Variants in KIAA1217 observed in about 807,000 individuals in gnomAD.
KIAA1217 encodes the protein sickle tail protein homolog.
A neutral mutation model predicts 163.9 loss-of-function variants in KIAA1217; 88 were observed. The ratio of observed to expected loss-of-function variants is 0.54; its 90% CI spans 0.45 to 0.64. The LOEUF (loss-of-function observed/expected upper bound fraction) is 0.64. Ranked by LOEUF, KIAA1217 falls within the 30% of genes least tolerant of loss-of-function variation. The pLI is 0.00. For missense variants in KIAA1217, 2,372 were observed against 2,475.0 expected, an observed-to-expected ratio of 0.96 and a Z score of 0.88; for synonymous variants, 903 against 923.1, an observed-to-expected ratio of 0.98 and a Z score of 0.39.
chr10:24,517,201 A>T (rs1048067025), intron 10 of KIAA1217, among the ~76,000 whole-genome samples: 2 of 151,640 alleles, frequency 1.3e-5, no homozygotes, highest in Admixed American at 6.6e-5. Context: ...AAAAATATCT[A>T]TATACATATA....
chr10:24,163,447 G>T (rs114159901), intron 2 of KIAA1217, among the ~76,000 whole-genome samples: 2 of 152,068 alleles, frequency 1.3e-5, no homozygotes, highest in African/African-American at 4.8e-5. Flanking sequence ...GCCATTTCAG[G>T]CATGAAAGTT....
At chr10:23,950,984 G>C (rs749712953) in intron 1 of KIAA1217, among the ~76,000 whole-genome samples, 2 of 152,110 alleles carry the variant, frequency 1.3e-5, no homozygotes, top group African/African-American at 4.8e-5. Flanking sequence ...CACTCCACTG[G>C]TGCTGGGGTG....
At chr10:24,220,662 C>T (rs1269854574) in intron 2 of KIAA1217, among the ~76,000 whole-genome samples, 1 of 151,154 alleles carries the variant, frequency 6.6e-6, no homozygotes, top group African/African-American at 2.4e-5. Context: ...CATCGTGTTA[C>T]CCAGGATGGT....
intron 2 of KIAA1217, among the ~76,000 whole-genome samples, chr10:24,297,933 C>G (rs1481019215): frequency 6.6e-6 from 1 of 151,360 alleles, no homozygotes; most frequent in Non-Finnish European, 1.5e-5. Context: ...TACTAGATAC[C>G]TTGCAAGGCA....
At chr10:24,223,363 C>T (rs1379987993) in intron 2 of KIAA1217, among the ~76,000 whole-genome samples, 1 of 152,162 alleles carries the variant, frequency 6.6e-6, no homozygotes, top group Admixed American at 6.5e-5. Context: ...ATCATCTCAT[C>T]TTCTGTCTTT....
At chr10:23,813,267 A>G (rs1837158930) in intron 1 of KIAA1217, among the ~76,000 whole-genome samples, 1 of 152,062 alleles carries the variant, frequency 6.6e-6, no homozygotes, top group Non-Finnish European at 1.5e-5. Context: ...CCTTAAAACT[A>G]GGTTATTTGT....
At chr10:24,384,913 G>T (rs981290250) in intron 3 of KIAA1217, among the ~76,000 whole-genome samples, 5 of 152,280 alleles carry the variant, frequency 3.3e-5, no homozygotes, top group Admixed American at 1.3e-4. Flanking sequence ...TTTTGCACTG[G>T]AGGTATGCGT....
chr10:24,249,054 A>G (rs1263936463), intron 2 of KIAA1217, among the ~76,000 whole-genome samples: 1 of 152,236 alleles, frequency 6.6e-6, no homozygotes, highest in Non-Finnish European at 1.5e-5. Flanking sequence ...CCACGAGTGT[A>G]GTGGACGTGA....
chr10:24,171,663 G>C (rs1410651359), intron 2 of KIAA1217, among the ~76,000 whole-genome samples: 1 of 152,054 alleles, frequency 6.6e-6, no homozygotes, highest in Non-Finnish European at 1.5e-5. Flanking sequence ...AATTAGCCGG[G>C]TGTGGTGGTG....
intron 5 of KIAA1217, among the ~76,000 whole-genome samples, chr10:24,471,347 T>C (rs368077658): frequency 6.6e-5 from 10 of 152,200 alleles, no homozygotes; most frequent in Admixed American, 3.9e-4. Context: ...ACCTCACCAA[T>C]AGAACTTGAA....
At chr10:23,796,889 G>A (rs1233730249) in intron 1 of KIAA1217, among the ~76,000 whole-genome samples, 1 of 152,068 alleles carries the variant, frequency 6.6e-6, no homozygotes, top group Non-Finnish European at 1.5e-5. Flanking sequence ...GTCTCACTTT[G>A]CCACCCAGGC....
intron 1 of KIAA1217, among the ~76,000 whole-genome samples, chr10:23,805,216 C>T (rs563995154): frequency 5.3e-5 from 8 of 152,166 alleles, no homozygotes; most frequent in African/African-American, 1.9e-4. Flanking sequence ...CACATACATG[C>T]GTATGTTCAT....
intron 1 of KIAA1217, among the ~76,000 whole-genome samples, chr10:23,924,174 T>C (rs984898806): frequency 6.6e-6 from 1 of 152,028 alleles, no homozygotes; most frequent in Non-Finnish European, 1.5e-5. Flanking sequence ...TCTTTTTTTT[T>C]TTTTTTACTT....
In KIAA1217 at chr10:24,070,767, T is replaced by C. The variant is rs74532952; in HGVS notation, c.-171+63393T>C. Among the ~76,000 whole-genome samples, 418 of 152,248 alleles carry C rather than the reference T, an allele frequency of 2.7e-3. 3 individuals are homozygous for C. Among genetic ancestry groups the C allele is most frequent in the African/African-American group, 9.4e-3 (391 of 41,542 alleles). On this transcript the variant is annotated intron_variant, in intron 2 of 18. Transcript: ENST00000376462. ...TCAACTCACTTTCATTTGCACATTA[T>C]CAGTCAAAGGAAAGGTTGCGAAAAG...
At chr10:24,439,664 T>TTCC (rs1554870102) in intron 5 of KIAA1217, among the ~76,000 whole-genome samples, 2 of 150,966 alleles carry the variant, frequency 1.3e-5, no homozygotes, top group African/African-American at 4.9e-5. Context: ...TTTTTTTTTT[T>TTCC]CCCCCAACTT....
chr10:24,161,642 G>A (rs189337295), intron 2 of KIAA1217, among the ~76,000 whole-genome samples: 86 of 152,256 alleles, frequency 5.6e-4, no homozygotes, highest in African/African-American at 1.8e-3. Flanking sequence ...ACTCAAAGTC[G>A]CAATAAAGAA....
Position 23,910,694 on chromosome 10 carries a change from C to T in KIAA1217, c.-320-96531C>T, listed in dbSNP as rs147008241. Among the ~76,000 whole-genome samples the T allele has an allele frequency of 7.7e-3, 1,177 of 152,270 alleles. 7 individuals carry two copies. The highest frequency in any genetic ancestry group is 0.011 in the Non-Finnish European group (725 of 68,006). ...CTGCAGCTGTTTTCTTTTAGTAGGA[C>T]GTTAGGTGTAAGCTGGTTCATCCAT... On this transcript the variant is annotated intron_variant, in intron 1 of 18. Transcript: ENST00000376462.
intron 2 of KIAA1217, among the ~76,000 whole-genome samples, chr10:24,202,468 C>T (rs1292903092): frequency 6.6e-6 from 1 of 152,130 alleles, no homozygotes. Context: ...TTCTCCTTCT[C>T]CTGCATCAGG....
chr10:24,431,420 A>G (rs1287580398), intron 3 of KIAA1217, among the ~76,000 whole-genome samples: 3 of 152,154 alleles, frequency 2.0e-5, no homozygotes, highest in African/African-American at 4.8e-5. Flanking sequence ...TTTGCTTATC[A>G]TTCTGCAATT....
Sources: allele counts gnomAD v4.1 joint callset (sites outside exome capture counted in the v4.1 genomes callset), GRCh38; gene constraint gnomAD v4.1.1; transcripts MANE v1.5; gene names NCBI Gene and HGNC (gene_info 2026-07-23, HGNC 2026-07-21).